The following PTPRT variants were observed in gnomAD, a reference collection of about 807,000 sequenced individuals.
PTPRT encodes the protein protein tyrosine phosphatase receptor type T.
A neutral mutation model predicts 176.8 loss-of-function variants in PTPRT; 56 were observed. The observed-to-expected ratio is 0.32, with a 90% CI of 0.26 to 0.40. The LOEUF (loss-of-function observed/expected upper bound fraction) is 0.40. Among genes scored for constraint, PTPRT ranks in the 10% least tolerant of loss-of-function variants. PTPRT has a pLI of 1.00. For synonymous variants in PTPRT, 783 were observed against 739.0 expected (o/e 1.06, Z -0.96); for missense variants, 1,540 against 1,908.2 (o/e 0.81, Z 3.60).
intron 1 of PTPRT, among the ~76,000 whole-genome samples, chr20:43,172,767 C>T (rs73280324): frequency 0.066 from 10,052 of 152,086 alleles, 626 homozygotes; most frequent in African/African-American, 0.17. Context: ...ATGATAAAAT[C>T]GAGGCTCAAA....
intron 9 of PTPRT, among the ~76,000 whole-genome samples, chr20:42,361,478 G>A (rs1052867350): frequency 6.6e-6 from 1 of 152,152 alleles, no homozygotes; most frequent in Non-Finnish European, 1.5e-5. Flanking sequence ...GTGATATTTT[G>A]TGACTTCTAA....
intron 7 of PTPRT, among the ~76,000 whole-genome samples, chr20:42,557,452 C>T (rs1458066067): frequency 6.6e-6 from 1 of 152,058 alleles, no homozygotes; most frequent in Non-Finnish European, 1.5e-5. Flanking sequence ...AGGTAGAATT[C>T]CCCTAGAATC....
At chr20:42,635,247 A>C (rs2074569659) in intron 7 of PTPRT, among the ~76,000 whole-genome samples, 1 of 151,796 alleles carries the variant, frequency 6.6e-6, no homozygotes, top group Non-Finnish European at 1.5e-5. Flanking sequence ...AAACAAATGA[A>C]TGTGTCCCCA....
chr20:42,919,588 C>T (rs1354438532), intron 1 of PTPRT, among the ~76,000 whole-genome samples: 3 of 152,244 alleles, frequency 2.0e-5, no homozygotes, highest in Non-Finnish European at 4.4e-5. Context: ...CATTTTGCAG[C>T]ACAGACTATG....
At chr20:42,732,781 A>C (rs1396137465) in intron 6 of PTPRT, among the ~76,000 whole-genome samples, 18 of 152,188 alleles carry the variant, frequency 1.2e-4, no homozygotes, top group Non-Finnish European at 2.9e-5. Context: ...CCAGAACTTA[A>C]ACGTGGTGGT....
At chr20:42,910,128 A>T (rs2079526457) in intron 1 of PTPRT, among the ~76,000 whole-genome samples, 1 of 152,186 alleles carries the variant, frequency 6.6e-6, no homozygotes, top group African/African-American at 2.4e-5. Context: ...AGGCCACATC[A>T]GATGACAGCC....
chr20:43,017,870 C>T (rs1299118448), intron 1 of PTPRT, among the ~76,000 whole-genome samples: 1 of 152,218 alleles, frequency 6.6e-6, no homozygotes, highest in African/African-American at 2.4e-5. Flanking sequence ...GCAGAGCAAG[C>T]CTGCTGGCAG....
At chr20:42,037,455 C>T in the PTPRT span, among the ~76,000 whole-genome samples, 1 of 152,164 alleles carries the variant, frequency 6.6e-6, no homozygotes, top group African/African-American at 2.4e-5. Flanking sequence ...ATTTAAGATC[C>T]CCTTTCCTGC....
chr20:42,895,838 C>T (rs1460675060), intron 1 of PTPRT, among the ~76,000 whole-genome samples: 1 of 152,166 alleles, frequency 6.6e-6, no homozygotes, highest in Non-Finnish European at 1.5e-5. Flanking sequence ...GGCTGGTAGG[C>T]TATAGCTGGC....
chr20:42,410,367 T>C (rs1442848388), intron 9 of PTPRT, among the ~76,000 whole-genome samples: 1 of 151,956 alleles, frequency 6.6e-6, no homozygotes, highest in Non-Finnish European at 1.5e-5. Context: ...TATAAAAATA[T>C]GTACAAATGC....
intron 9 of PTPRT, among the ~76,000 whole-genome samples, chr20:42,430,403 T>C (rs2059205467): frequency 6.6e-6 from 1 of 152,190 alleles, no homozygotes; most frequent in Admixed American, 6.5e-5. Flanking sequence ...GTGCAGACCC[T>C]GACTCAGAAG....
chr20:42,516,653 G>T (rs571053807), intron 7 of PTPRT, among the ~76,000 whole-genome samples: 5 of 152,200 alleles, frequency 3.3e-5, no homozygotes. Context: ...TTTGTACTTA[G>T]AAGTAGAATT....
intron 7 of PTPRT, among the ~76,000 whole-genome samples, chr20:42,506,067 C>T (rs558855528): frequency 2.9e-4 from 44 of 152,212 alleles, no homozygotes; most frequent in African/African-American, 1.0e-3. Context: ...ACATACATCC[C>T]AAACCAGGCT....
At chr20:42,174,211 A>G (rs958121528) in intron 16 of PTPRT, among the ~76,000 whole-genome samples, 1 of 152,196 alleles carries the variant, frequency 6.6e-6, no homozygotes, top group Non-Finnish European at 1.5e-5. Flanking sequence ...AGAACTTAGA[A>G]GAACATGTCT....
intron 2 of PTPRT, among the ~76,000 whole-genome samples, chr20:42,799,166 G>C (rs899212795): frequency 1.3e-5 from 2 of 151,976 alleles, no homozygotes; most frequent in Non-Finnish European, 2.9e-5. Context: ...GAGGATGGAT[G>C]GAAGGGAAGA....
At chr20:42,583,012 C>T (rs189894463) in intron 7 of PTPRT, among the ~76,000 whole-genome samples, 8 of 152,302 alleles carry the variant, frequency 5.3e-5, no homozygotes, top group Admixed American at 5.2e-4. Context: ...CCTCACTCAT[C>T]TCTACAGCTC....
intron 7 of PTPRT, among the ~76,000 whole-genome samples, chr20:42,658,348 C>T (rs1250134890): frequency 6.6e-6 from 1 of 152,192 alleles, no homozygotes; most frequent in African/African-American, 2.4e-5. Context: ...ATTTAATATA[C>T]CTATTTTCTC....
intron 7 of PTPRT, among the ~76,000 whole-genome samples, chr20:42,475,312 A>G (rs1412265217): frequency 1.3e-5 from 2 of 152,164 alleles, no homozygotes; most frequent in Admixed American, 1.3e-4. Flanking sequence ...CTGACCCCAC[A>G]TGTAGTGTGC....
At chr20:42,239,413 C>CTTTTTTTTT (rs35978863) in intron 14 of PTPRT, among the ~76,000 whole-genome samples, 97 of 81,206 alleles carry the variant, frequency 1.2e-3, no homozygotes, top group Non-Finnish European at 1.5e-3. Context: ...CATTTTCTTT[C>CTTTTTTTTT]TTTTTTTTTT....
Sources: gnomAD v4.1 joint callset for allele counts (sites outside exome capture counted in the v4.1 genomes callset) on GRCh38, gnomAD v4.1.1 for gene constraint, MANE v1.5 for transcripts, NCBI Gene and HGNC (gene_info 2026-07-23, HGNC 2026-07-21) for gene names.